CTH: variants seen among roughly 807,000 people sequenced by gnomAD.
CTH encodes cystathionase (cystathionine gamma-lyase).
A neutral mutation model predicts 50.6 loss-of-function variants in CTH; 41 were observed. That is an observed-to-expected ratio of 0.81 (90% CI 0.63 to 1.05). The LOEUF is 1.05. Ranked by LOEUF, CTH falls within the 50% of genes least tolerant of loss-of-function variation. CTH has a pLI of 0.00. For synonymous variants in CTH, 156 were observed against 168.9 expected, an observed-to-expected ratio of 0.92 and a Z score of 0.59; for missense variants, 470 against 492.6, an observed-to-expected ratio of 0.95 and a Z score of 0.43.
chr1:70,430,249 A>G lies in CTH; in HGVS notation c.647-68A>G, dbSNP rs185749658. On this transcript the variant is annotated intron_variant, in intron 6 of 11. Transcript: ENST00000370938. ...TGAAAATCACATTTTGAAAATTATA[A>G]AATAAAGAGTAAACATAAATTGTTT... 1.6e-3 allele frequency: 1,345 copies of G among 858,212 alleles called. 1 individual carries two copies. Among genetic ancestry groups the G allele is most frequent in the Non-Finnish European group, 1.7e-3 (869 of 514,854 alleles). The allele number at this position is 858,212 out of a possible 1,614,324, so 53.2% of individuals were successfully genotyped here.
At chr1:70,438,004 T>C (rs866128264) in intron 10 of CTH, among the ~76,000 whole-genome samples, 13 of 152,340 alleles carry the variant, frequency 8.5e-5, no homozygotes, top group Middle Eastern at 3.4e-3. Flanking sequence ...TACCTCCTGC[T>C]TTGTTATTTA....
rs1439725774 is a variant in CTH, at chr1:70,439,249, CTT to C, written c.*124_*125del. The C allele has an allele frequency of 1.2e-6, 1 of 852,814 alleles. No individual in the cohort carries two copies. Among genetic ancestry groups the C allele is most frequent in the Non-Finnish European group, 2.0e-6 (1 of 499,640 alleles). The allele number at this position is 852,814 out of a possible 1,614,324, so 52.8% of individuals were successfully genotyped here. On this transcript the variant is annotated 3_prime_UTR_variant, in exon 12 of 12. Coordinates refer to ENST00000370938, the MANE Select transcript of CTH (RefSeq NM_001902.6). ...CGGAAATTTTAAGGCACCTCATTAT[CTT>C]TCATAACTGTAATTTTCTTAGGGAT... is the stretch of plus-strand genomic sequence containing the variant.
At position 70,439,811 on chromosome 1, in the gene CTH, G is replaced by T. The variant is rs1684684910; in HGVS notation, c.*684G>T. On this transcript the variant is annotated 3_prime_UTR_variant, in exon 12 of 12. Transcript: ENST00000370938. ...ATGCAAAAAAAATTAGACGGACGTG[G>T]TGGCGGGTGCCTGTAGTCCCAGCTA... 3 of 152,372 alleles carry T rather than the reference G, an allele frequency of 2.0e-5. No individual in the cohort carries two copies. The highest frequency in any genetic ancestry group is 2.9e-5 in the Non-Finnish European group (2 of 68,116). 9.4% of individuals were successfully genotyped at this position (152,372 alleles called of 1,614,324 possible). A position where few individuals can be genotyped will look rare whatever the true frequency, so the allele number is the denominator to read the frequency against.
rs1358942516 is a variant in CTH at position 70,435,148 on chromosome 1, G to C, written c.1023G>C (p.Leu341Phe). The change falls in exon 10 of 12, where the codon TTG becomes TTC. Residue 341 changes from leucine (L) to phenylalanine (F), a missense_variant. By Grantham distance (22) the Leu-to-Phe change is conservative. Transcript: ENST00000370938. The stretch of plus-strand genomic sequence containing the variant: ...AGCTATTTACTCTGGCCGAGAGCTT[G>C]GGAGGATTCGAAAGCCTTGCTGAGC... The part of the protein sequence containing the change: ...NLKLFTLAES[L>F]GGFESLAELP... The C allele has an allele frequency of 6.2e-7, 1 of 1,613,166 alleles. No individual in the cohort carries two copies. The highest frequency in any genetic ancestry group is 8.5e-7 in the Non-Finnish European group (1 of 1,179,562).
intron 3 of CTH, 51 bp downstream of exon 3, chr1:70,418,083 T>C: frequency 6.3e-7 from 1 of 1,588,072 alleles, no homozygotes. Flanking sequence ...TTACAGATAA[T>C]AAAGTGAGCC....
In CTH at chr1:70,438,745, T is replaced by A; in HGVS notation, c.1110T>A (p.Ser370Arg). The change falls in exon 11 of 12, where the codon AGT (serine) becomes AGA (arginine). Residue 370 changes from serine to arginine, a missense_variant. By Grantham distance (110) the Ser-to-Arg change is moderately radical. Coordinates refer to ENST00000370938, the MANE Select transcript of CTH (RefSeq NM_001902.6). ...ATGACAGAGATGTCCTTGGAATTAGTGACACACTGATTCGACTTTCTGTGG... is the reference window on the plus strand; with the variant it reads ...ATGACAGAGATGTCCTTGGAATTAGAGACACACTGATTCGACTTTCTGTGG... Reference protein sequence around the residue: ...LKNDRDVLGISDTLIRLSVGL... With the variant: ...LKNDRDVLGIRDTLIRLSVGL... The A allele has an allele frequency of 1.2e-6, 2 of 1,613,984 alleles. No homozygotes were observed. The highest frequency in any genetic ancestry group is 2.2e-5 in the South Asian group (2 of 91,072).
intron 3 of CTH, among the ~76,000 whole-genome samples, chr1:70,420,086 G>A (rs887536410): frequency 1.3e-5 from 2 of 149,262 alleles, no homozygotes; most frequent in Non-Finnish European, 3.0e-5. Flanking sequence ...TCCGCTTCCC[G>A]GGTTCAAGCG....
At chr1:70,420,071 C>T (rs1245873902) in intron 3 of CTH, among the ~76,000 whole-genome samples, 1 of 151,162 alleles carries the variant, frequency 6.6e-6, no homozygotes, top group African/African-American at 2.4e-5. Context: ...CGGCTCACTG[C>T]AACCTCCGCT....
At chr1:70,422,356 C>T (rs1242222452) in intron 4 of CTH, among the ~76,000 whole-genome samples, 1 of 152,124 alleles carries the variant, frequency 6.6e-6, no homozygotes, top group East Asian at 1.9e-4. Flanking sequence ...TATTTAAATT[C>T]TGTGTGGATA....
chr1:70,428,192 A>G (rs1186305707), intron 5 of CTH, among the ~76,000 whole-genome samples: 1 of 152,112 alleles, frequency 6.6e-6, no homozygotes, highest in Non-Finnish European at 1.5e-5. Context: ...GATCTCATAG[A>G]AGTAGTGAAT....
At chr1:70,415,853 G>A in intron 1 of CTH, 103 bp from the exon 2 acceptor site, 1 of 741,002 alleles carries the variant, frequency 1.3e-6, no homozygotes, top group Admixed American at 1.9e-5. Flanking sequence ...CATGACTAAA[G>A]AATAGAAACT....
chr1:70,439,053 T>C (rs761114601), intron 11 of CTH, 48 bp from the exon 12 acceptor site: 1 of 1,576,394 alleles, frequency 6.3e-7, no homozygotes, highest in South Asian at 1.1e-5. Context: ...GTTGAAGCTA[T>C]GGCCTATATG....
chr1:70,420,662 T>C (rs1684199497), intron 3 of CTH, among the ~76,000 whole-genome samples: 2 of 152,186 alleles, frequency 1.3e-5, no homozygotes, highest in South Asian at 4.1e-4. Context: ...GGACTTACTC[T>C]TAGTAATCAT....
At position 70,432,151 on chromosome 1, in the gene CTH, C is replaced by T. The variant is rs773107808; in HGVS notation, c.793C>T (p.Arg265Ter). ...TCGAGGTCTGAAGACTCTACATGTC[C>T]GAATGGAAAAGCATTTCAAAAACGG... ...CNRGLKTLHV[R>*]MEKHFKNGMA... is the part of the protein sequence containing the mutation. Residue 265 changes from arginine (R) to a stop codon, truncating the protein, a stop_gained, in exon 8 of 12, where the codon CGA becomes TGA. Transcript: ENST00000370938. LOFTEE classifies it high-confidence loss of function. 9.9e-6 allele frequency: 16 copies of T among 1,613,934 alleles called. No homozygotes were observed. The highest frequency in any genetic ancestry group is 9.9e-5 in the South Asian group (9 of 91,082).
chr1:70,431,882 C>G (rs1473662564), intron 7 of CTH, among the ~76,000 whole-genome samples: 1 of 152,136 alleles, frequency 6.6e-6, no homozygotes, highest in Non-Finnish European at 1.5e-5. Flanking sequence ...TTTGCTTCCC[C>G]TCATTTTAAA....
chr1:70,433,358 A>G (rs963269376), intron 8 of CTH, among the ~76,000 whole-genome samples: 1 of 152,202 alleles, frequency 6.6e-6, no homozygotes, highest in African/African-American at 2.4e-5. Context: ...AAGAATGGGC[A>G]GCATTGGTTA....
chr1:70,433,003 A>T (rs1307591435), intron 8 of CTH, among the ~76,000 whole-genome samples: 4 of 151,874 alleles, frequency 2.6e-5, no homozygotes, highest in Non-Finnish European at 5.9e-5. Flanking sequence ...TCTCTCCTGT[A>T]TTTCTCTCCT....
intron 1 of CTH, among the ~76,000 whole-genome samples, chr1:70,412,685 C>G (rs1237233885): frequency 6.6e-6 from 1 of 152,100 alleles, no homozygotes; most frequent in African/African-American, 2.4e-5. Context: ...AGCTGGGGGA[C>G]CTTGGGCAAG....
Position 70,439,103 on chromosome 1 carries a change from C to T in CTH, c.1194C>T (p.His398=), listed in dbSNP as rs1247975332. The T allele has an allele frequency of 1.2e-6, 2 of 1,611,802 alleles. No individual in the cohort carries two copies. The highest frequency in any genetic ancestry group is 2.7e-5 in the African/African-American group (2 of 74,858). Residue 398 remains histidine (H), a splice_region_variant and synonymous_variant, in exon 12 of 12, where the codon CAC becomes CAT. Coordinates refer to ENST00000370938, the MANE Select transcript of CTH (RefSeq NM_001902.6). The part of the protein sequence containing the change: ...EDLDQALKAA[H]PPSGSHS ...TTTCTTGTGCACTGTTATTATAGCA[C>T]CCTCCAAGTGGAAGTCACAGCTAGT...
Sources: gnomAD v4.1 joint callset for allele counts (sites outside exome capture counted in the v4.1 genomes callset) on GRCh38, gnomAD v4.1.1 for gene constraint, MANE v1.5 for transcripts, NCBI Gene and HGNC (gene_info 2026-07-23, HGNC 2026-07-21) for gene names.